The following PPP2R2D variants were observed in gnomAD, a reference collection of about 807,000 sequenced individuals.
The protein encoded by PPP2R2D is protein phosphatase 2 regulatory subunit Bdelta.
Under a neutral mutation model 31.1 loss-of-function variants are expected in PPP2R2D, and 9 were observed. The ratio of observed to expected loss-of-function variants is 0.29; its 90% CI spans 0.17 to 0.51. The LOEUF (loss-of-function observed/expected upper bound fraction) is 0.51, where lower values mean the gene tolerates loss of function less well. PPP2R2D is among the 20% of genes least tolerant of loss of function. PPP2R2D has a pLI of 0.98. For synonymous variants in PPP2R2D, 179 were observed against 172.6 expected, an observed-to-expected ratio of 1.04 and a Z score of -0.29; for missense variants, 391 against 465.6, an observed-to-expected ratio of 0.84 and a Z score of 1.48.
chr10:131,917,205 A>G (rs1438052409), intron 2 of PPP2R2D, among the ~76,000 whole-genome samples: 5 of 126,604 alleles, frequency 3.9e-5, no homozygotes, highest in African/African-American at 9.1e-5. Flanking sequence ...AGGTGGGTGG[A>G]ATGACACAGT....
chr10:131,951,115 T>C (rs1233121747), intron 8 of PPP2R2D, among the ~76,000 whole-genome samples: 1 of 152,192 alleles, frequency 6.6e-6, no homozygotes, highest in African/African-American at 2.4e-5. Flanking sequence ...TCATCCTTCT[T>C]AGTGATCAGC....
chr10:131,950,434 G>T (rs1354581222), intron 8 of PPP2R2D, among the ~76,000 whole-genome samples: 1 of 151,816 alleles, frequency 6.6e-6, no homozygotes, highest in South Asian at 2.1e-4. Flanking sequence ...TCTGAGAGCG[G>T]ACACCGAGAC....
At chr10:131,948,990 G>A (rs1308657511) in intron 8 of PPP2R2D, among the ~76,000 whole-genome samples, 1 of 152,202 alleles carries the variant, frequency 6.6e-6, no homozygotes, top group Non-Finnish European at 1.5e-5. Flanking sequence ...TTGGGTTTGT[G>A]CCAGCTACAT....
At chr10:131,939,563 G>GCATTCGGCAGACCTGCTCCAGAAAA (rs2036402681) in intron 3 of PPP2R2D, among the ~76,000 whole-genome samples, 1 of 142,500 alleles carries the variant, frequency 7.0e-6, no homozygotes, top group African/African-American at 2.7e-5. Context: ...ACGGCAGGCT[G>GCATTCGGCAGACCTGCTCCAGAAAA]TATTTGGCAG....
the PPP2R2D span, chr10:131,970,622 C>T: frequency 6.2e-7 from 1 of 1,612,548 alleles, no homozygotes; most frequent in South Asian, 1.1e-5. This position sits in a 1 kb window ranked among gnomAD's most constrained non-coding sequence, Gnocchi z 4.1. Flanking sequence ...AGGAGTCACA[C>T]AGTCACATCA....
intron 4 of PPP2R2D, 34 bp from the exon 5 acceptor site, chr10:131,940,543 TTTTTC>T (rs1554897081): frequency 1.4e-6 from 1 of 716,360 alleles, no homozygotes; most frequent in East Asian, 2.7e-5. Context: ...CATGTTATAG[TTTTTC>T]TTTTCATATG....
At chr10:131,923,881 C>T (rs1410842281) in intron 2 of PPP2R2D, among the ~76,000 whole-genome samples, 1 of 152,106 alleles carries the variant, frequency 6.6e-6, no homozygotes, top group Admixed American at 6.5e-5. Flanking sequence ...CTCAGCCTCC[C>T]AAGTAGCTGG....
At chr10:131,942,251 C>G (rs1451970425) in intron 5 of PPP2R2D, among the ~76,000 whole-genome samples, 2 of 152,204 alleles carry the variant, frequency 1.3e-5, no homozygotes, top group East Asian at 3.9e-4. Flanking sequence ...TTTGGGAGAA[C>G]AGTAGGCCTT....
chr10:131,971,108 C>T, the PPP2R2D span: 1 of 779,134 alleles, frequency 1.3e-6, no homozygotes, highest in Non-Finnish European at 2.1e-6. Flanking sequence ...GGACCGTGGT[C>T]CAAGGGGAGT....
In PPP2R2D at chr10:131,955,775, A is replaced by C; in HGVS notation, c.1174A>C (p.Ser392Arg). ...GACCCTGGAGGCCTCGAGAGAGAGC[A>C]GCAAACCGCGCGCCAGCCTCAAACC... ...DVTLEASRES[S>R]KPRASLKPRK... is the part of the protein sequence containing the mutation. The change falls in exon 9 of 9, where the codon AGC (serine) becomes CGC (arginine). Residue 392 changes from serine to arginine, a missense_variant. Ser to Arg is a moderately radical substitution (Grantham distance 110). Coordinates refer to ENST00000455566, the MANE Select transcript of PPP2R2D (RefSeq NM_018461.5). The C allele has an allele frequency of 6.3e-7, 1 of 1,590,796 alleles. No homozygotes were observed. Among genetic ancestry groups the C allele is most frequent in the Non-Finnish European group, 8.6e-7 (1 of 1,165,774 alleles).
intron 2 of PPP2R2D, among the ~76,000 whole-genome samples, chr10:131,910,604 GA>G (rs1179173815): frequency 1.4e-4 from 21 of 152,052 alleles, no homozygotes; most frequent in African/African-American, 5.1e-4. Flanking sequence ...GGCATTCCAT[GA>G]AAAAAAGGGC....
chr10:131,910,341 A>C (rs1165182019), intron 2 of PPP2R2D, among the ~76,000 whole-genome samples: 8 of 152,206 alleles, frequency 5.3e-5, no homozygotes, highest in African/African-American at 1.9e-4. Flanking sequence ...ACTTGAAGAA[A>C]ATCCTATTTT....
chr10:131,945,692 C>G lies in PPP2R2D; in HGVS notation c.820+233C>G, dbSNP rs141282332. 8.2e-6 allele frequency: 4 copies of G among 485,928 alleles called. No homozygotes were observed. Among genetic ancestry groups the G allele is most frequent in the Admixed American group, 3.8e-5 (1 of 26,450 alleles). The allele number at this position is 485,928 out of a possible 1,614,324, so 30.1% of individuals were successfully genotyped here. The stretch of plus-strand genomic sequence containing the variant: ...CCAGACTGGTCTGACCTCAGGTGAT[C>G]CCCCTACCTCGGCCTCCCAAAGTGC... On this transcript the variant is annotated intron_variant, in intron 7 of 8. Transcript: ENST00000455566. This position sits in a 1 kb window ranked among gnomAD's most constrained non-coding sequence, Gnocchi z 4.8.
At chr10:131,903,707 T>G (rs1480740624) in intron 2 of PPP2R2D, among the ~76,000 whole-genome samples, 2 of 152,238 alleles carry the variant, frequency 1.3e-5, no homozygotes, top group East Asian at 3.8e-4. Flanking sequence ...GCTTTGGCCA[T>G]AGTAACCCAT....
At chr10:131,903,487 AAAAT>A (rs1361888729) in intron 2 of PPP2R2D, among the ~76,000 whole-genome samples, 1 of 151,902 alleles carries the variant, frequency 6.6e-6, no homozygotes, top group Non-Finnish European at 1.5e-5. Flanking sequence ...AAAAAAAAAA[AAAAT>A]CTTGACAAAT....
downstream of PPP2R2D, among the ~76,000 whole-genome samples, chr10:131,964,381 C>G (rs2036954817): frequency 1.3e-5 from 2 of 152,124 alleles, no homozygotes; most frequent in Admixed American, 1.3e-4. Context: ...CACCGGGACC[C>G]AGGGCTGGCC....
chr10:131,909,396 G>A (rs1008546575), intron 2 of PPP2R2D, among the ~76,000 whole-genome samples: 6 of 149,692 alleles, frequency 4.0e-5, no homozygotes, highest in Admixed American at 6.7e-5. Flanking sequence ...TGGTGGGTAA[G>A]AATGGAGATA....
rs1396899325 is a variant in PPP2R2D at position 131,919,069 on chromosome 10, G to A, written c.101-15389G>A. Among the ~76,000 whole-genome samples the A allele has an allele frequency of 1.1e-4, 13 of 123,742 alleles. 1 individual carries two copies. The highest frequency in any genetic ancestry group is 2.8e-4 in the South Asian group (1 of 3,520). 81.2% of individuals were successfully genotyped at this position (123,742 alleles called of 152,430 possible). On this transcript the variant is annotated intron_variant, in intron 2 of 8. Transcript: ENST00000455566. ...ATGACACAGTGTAGGGACCTCAGGC[G>A]GGTGGAGTGACACAGTGTTTGTAGG...
At chr10:131,953,528 G>C (rs1284718469) in intron 8 of PPP2R2D, among the ~76,000 whole-genome samples, 1 of 139,548 alleles carries the variant, frequency 7.2e-6, no homozygotes, top group Non-Finnish European at 1.5e-5. Context: ...TGTGCAGGGG[G>C]TTTCACTGTC....
Sources: allele counts gnomAD v4.1 joint callset (sites outside exome capture counted in the v4.1 genomes callset), GRCh38; gene constraint gnomAD v4.1.1; non-coding constraint Gnocchi (gnomAD v3.1); transcripts MANE v1.5; gene names NCBI Gene and HGNC (gene_info 2026-07-23, HGNC 2026-07-21).